The following RALGPS2 variants were observed in gnomAD, a reference collection of about 807,000 sequenced individuals.
RALGPS2 encodes the protein ras-specific guanine nucleotide-releasing factor RalGPS2.
In RALGPS2, 43 loss-of-function variants were observed where a neutral mutation model predicts 86.8. The observed-to-expected ratio is 0.50, with a 90% CI of 0.39 to 0.64. The LOEUF (loss-of-function observed/expected upper bound fraction) is 0.64. Among genes scored for constraint, RALGPS2 ranks in the 30% least tolerant of loss-of-function variants. The pLI, the probability that RALGPS2 is intolerant of heterozygous loss-of-function variation, is 0.00. For missense variants in RALGPS2, 536 were observed against 694.6 expected, an observed-to-expected ratio of 0.77 and a Z score of 2.57; for synonymous variants, 243 against 231.3, an observed-to-expected ratio of 1.05 and a Z score of -0.46.
At chr1:178,781,251 G>A (rs1210336388) in intron 2 of RALGPS2, among the ~76,000 whole-genome samples, 2 of 152,008 alleles carry the variant, frequency 1.3e-5, no homozygotes, top group African/African-American at 2.4e-5. Flanking sequence ...ATTTATTGTG[G>A]CAAGAAAATA....
At chr1:178,895,952 G>A (rs1443001013) in intron 16 of RALGPS2, among the ~76,000 whole-genome samples, 2 of 152,008 alleles carry the variant, frequency 1.3e-5, no homozygotes, top group African/African-American at 4.8e-5. Context: ...TATGGAACTG[G>A]ATGATAGATT....
At position 178,761,561 on chromosome 1, in the gene RALGPS2, G is replaced by T. The variant is rs146296207; in HGVS notation, c.-83-15121G>T. Among the ~76,000 whole-genome samples the T allele has an allele frequency of 1.2e-3, 177 of 151,652 alleles. 1 individual carries two copies. The highest frequency in any genetic ancestry group is 3.7e-3 in the African/African-American group (154 of 41,418). On this transcript the variant is annotated intron_variant, in intron 1 of 19. Transcript: ENST00000367635. ...ATAAAGCTTTCAATTGTTTTTATTT[G>T]TTTGTTTGTTTGTTTTTTAGGCAGA...
At chr1:178,758,726 G>A (rs1652075953) in intron 1 of RALGPS2, among the ~76,000 whole-genome samples, 1 of 152,106 alleles carries the variant, frequency 6.6e-6, no homozygotes, top group Non-Finnish European at 1.5e-5. Flanking sequence ...GTAAATGACA[G>A]GATCTCAGTC....
At chr1:178,809,487 G>A (rs1219417334) in intron 5 of RALGPS2, among the ~76,000 whole-genome samples, 2 of 151,392 alleles carry the variant, frequency 1.3e-5, no homozygotes, top group Non-Finnish European at 2.9e-5. Context: ...TTGATCTCTA[G>A]AGGAAATCCT....
intron 14 of RALGPS2, among the ~76,000 whole-genome samples, chr1:178,890,425 A>T (rs1027591750): frequency 6.6e-6 from 1 of 151,968 alleles, no homozygotes; most frequent in Non-Finnish European, 1.5e-5. Context: ...TGACCAAAAC[A>T]ATTGCTCCCT....
chr1:178,751,569 ATAAT>A (rs1200365313), intron 1 of RALGPS2, among the ~76,000 whole-genome samples: 1 of 152,152 alleles, frequency 6.6e-6, no homozygotes, highest in East Asian at 1.9e-4. Flanking sequence ...TTATTGATAA[ATAAT>A]AATATTTATC....
intron 8 of RALGPS2, among the ~76,000 whole-genome samples, chr1:178,838,040 C>T (rs1656372386): frequency 6.6e-6 from 1 of 152,208 alleles, no homozygotes; most frequent in Non-Finnish European, 1.5e-5. Flanking sequence ...GAAGCTCAAA[C>T]TGGGTGGAGC....
At chr1:178,731,362 A>T (rs1318370240) in intron 1 of RALGPS2, among the ~76,000 whole-genome samples, 1 of 122,416 alleles carries the variant, frequency 8.2e-6, no homozygotes, top group African/African-American at 3.2e-5. Context: ...GGCTCAGTGC[A>T]CCCTCCACCT....
chr1:178,846,322 A>G (rs931637245), intron 8 of RALGPS2, among the ~76,000 whole-genome samples: 6 of 152,134 alleles, frequency 3.9e-5, no homozygotes, highest in African/African-American at 1.4e-4. Flanking sequence ...TTGATTTGTC[A>G]ATAATATACA....
intron 8 of RALGPS2, among the ~76,000 whole-genome samples, chr1:178,875,041 A>C (rs1256359887): frequency 6.9e-6 from 1 of 145,894 alleles, no homozygotes; most frequent in South Asian, 2.1e-4. Flanking sequence ...AGTAACACAC[A>C]TATATGCAAT....
At chr1:178,899,645 TG>T (rs141351971) in intron 17 of RALGPS2, among the ~76,000 whole-genome samples, 4,313 of 143,498 alleles carry the variant, frequency 0.03, 280 homozygotes, top group African/African-American at 0.12. Flanking sequence ...GTTTTGGTTT[TG>T]GTTTTGGTTT....
chr1:178,730,978 G>C (rs760324122), intron 1 of RALGPS2, among the ~76,000 whole-genome samples: 1 of 152,130 alleles, frequency 6.6e-6, no homozygotes, highest in African/African-American at 2.4e-5. Flanking sequence ...GATTATAGGC[G>C]TGAGCCACTG....
chr1:178,892,050 A>AT (rs1558173845), intron 14 of RALGPS2, among the ~76,000 whole-genome samples, 180 bp from the exon 15 acceptor site: 1 of 152,026 alleles, frequency 6.6e-6, no homozygotes, highest in Non-Finnish European at 1.5e-5. Flanking sequence ...AGAAGAAAAA[A>AT]TTTTTTGAAA....
intron 1 of RALGPS2, among the ~76,000 whole-genome samples, chr1:178,732,822 A>G (rs970153368): frequency 1.3e-5 from 2 of 151,742 alleles, no homozygotes; most frequent in African/African-American, 4.8e-5. Flanking sequence ...ATCTGTTAAT[A>G]GGATGTATTA....
chr1:178,882,810 C>G (rs1358022986), intron 10 of RALGPS2, among the ~76,000 whole-genome samples: 2 of 152,160 alleles, frequency 1.3e-5, no homozygotes, highest in Non-Finnish European at 2.9e-5. Flanking sequence ...TGACTTAGGA[C>G]AGGGACTTAC....
intron 16 of RALGPS2, among the ~76,000 whole-genome samples, chr1:178,896,911 G>A (rs531167923): frequency 1.0e-4 from 15 of 149,448 alleles, no homozygotes; most frequent in East Asian, 1.9e-4. Flanking sequence ...GAATAATGCC[G>A]CAATAAACAT....
At chr1:178,897,868 T>C in intron 17 of RALGPS2, 112 bp downstream of exon 17, 1 of 750,910 alleles carries the variant, frequency 1.3e-6, no homozygotes, top group Non-Finnish European at 2.2e-6. Context: ...TGTTTTTTCC[T>C]ATCTTCTAGT....
intron 7 of RALGPS2, among the ~76,000 whole-genome samples, chr1:178,823,010 T>C (rs1272777320): frequency 6.6e-6 from 1 of 152,134 alleles, no homozygotes; most frequent in Non-Finnish European, 1.5e-5. Context: ...TTTATAGTGA[T>C]GGGGTCTCAC....
chr1:178,823,934 C>G (rs1655626774), intron 7 of RALGPS2, among the ~76,000 whole-genome samples: 1 of 152,018 alleles, frequency 6.6e-6, no homozygotes, highest in African/African-American at 2.4e-5. Context: ...ATGGGATTAC[C>G]TAAGGAGGGA....
Sources: gnomAD v4.1 joint callset for allele counts (sites outside exome capture counted in the v4.1 genomes callset) on GRCh38, gnomAD v4.1.1 for gene constraint, MANE v1.5 for transcripts, NCBI Gene and HGNC (gene_info 2026-07-23, HGNC 2026-07-21) for gene names.